The following ENTPD1 variants were observed in gnomAD, a reference collection of about 807,000 sequenced individuals.
The protein encoded by ENTPD1 is ATP diphosphohydrolase.
A neutral mutation model predicts 57.0 loss-of-function variants in ENTPD1; 33 were observed. The ratio of observed to expected loss-of-function variants is 0.58; its 90% CI spans 0.44 to 0.77. The LOEUF is 0.77. Among genes scored for constraint, ENTPD1 ranks in the 30% least tolerant of loss-of-function variants. The probability of loss-of-function intolerance (pLI) is 0.00; values close to 1 mark genes in which losing one functional copy is unlikely to be tolerated. For synonymous variants in ENTPD1, 202 were observed against 218.8 expected (o/e 0.92, Z 0.68); for missense variants, 501 against 603.4 (o/e 0.83, Z 1.78).
Position 95,867,448 on chromosome 10 carries a change from G to A in ENTPD1, c.*1065G>A. On this transcript the variant is annotated 3_prime_UTR_variant, in exon 10 of 10. Transcript: ENST00000371205. ...CTGTACCATAAAGATAGTTCACTGA[G>A]TTTTAAAGCCAAGCCACATCTTATT... 1 of 985,400 alleles carries A rather than the reference G, an allele frequency of 1.0e-6. No individual in the cohort carries two copies. Among genetic ancestry groups the A allele is most frequent in the Non-Finnish European group, 1.2e-6 (1 of 829,914 alleles). 61.0% of individuals were successfully genotyped at this position (985,400 alleles called of 1,614,324 possible).
the ENTPD1 span, among the ~76,000 whole-genome samples, chr10:95,695,381 ATTAACATCTG>A: frequency 6.9e-4 from 105 of 152,328 alleles, 1 homozygote; most frequent in African/African-American, 2.4e-3. Flanking sequence ...TAGTATATAA[ATTAACATCTG>A]TTAAGAGTTA....
In ENTPD1 at chr10:95,873,265, A is replaced by C. The variant is rs957664342; in HGVS notation, c.*6882A>C. 1 of 984,804 alleles carries C rather than the reference A, an allele frequency of 1.0e-6. No homozygotes were observed. Among genetic ancestry groups the C allele is most frequent in the East Asian group, 1.1e-4 (1 of 8,828 alleles). The allele number at this position is 984,804 out of a possible 1,614,324, so 61.0% of individuals were successfully genotyped here. A position where few individuals can be genotyped will look rare whatever the true frequency, so the allele number is the denominator to read the frequency against. ...CCACTACCTGACTACTGTCATTCACAGGCATTCTGTTCCACAGCAGGCCAG... is the reference window on the plus strand; with the variant it reads ...CCACTACCTGACTACTGTCATTCACCGGCATTCTGTTCCACAGCAGGCCAG... On this transcript the variant is annotated 3_prime_UTR_variant, in exon 10 of 10. Transcript: ENST00000371205.
At chr10:95,804,998 A>G (rs2098266118) in intron 1 of ENTPD1, among the ~76,000 whole-genome samples, 2 of 152,098 alleles carry the variant, frequency 1.3e-5, no homozygotes, top group African/African-American at 4.8e-5. Context: ...GTAGATGTCT[A>G]TTAGGTCTGC....
At chr10:95,713,441 A>G (rs2097968107) in intron 1 of ENTPD1, among the ~76,000 whole-genome samples, 1 of 152,258 alleles carries the variant, frequency 6.6e-6, no homozygotes, top group Admixed American at 6.5e-5. Context: ...TCTCTTGACA[A>G]AATTAAAATG....
chr10:95,828,250 T>C (rs2098384606), intron 2 of ENTPD1, among the ~76,000 whole-genome samples: 1 of 152,178 alleles, frequency 6.6e-6, no homozygotes, highest in Non-Finnish European at 1.5e-5. Flanking sequence ...ACTGCACATA[T>C]GTAGGATCGG....
chr10:95,729,792 T>C (rs1193727122), intron 1 of ENTPD1, among the ~76,000 whole-genome samples: 1 of 152,222 alleles, frequency 6.6e-6, no homozygotes, highest in Non-Finnish European at 1.5e-5. Context: ...CTAATGTTCC[T>C]TTTCAAAAAC....
At chr10:95,790,724 A>T (rs986859893) in intron 1 of ENTPD1, among the ~76,000 whole-genome samples, 1 of 152,198 alleles carries the variant, frequency 6.6e-6, no homozygotes, top group Admixed American at 6.5e-5. Flanking sequence ...TATGAAAAAA[A>T]TGTATAGCAG....
intron 2 of ENTPD1, among the ~76,000 whole-genome samples, chr10:95,829,017 A>G (rs2098388050): frequency 6.6e-6 from 1 of 152,130 alleles, no homozygotes; most frequent in South Asian, 2.1e-4. Flanking sequence ...GGCCATGCCC[A>G]TTTTATAGAT....
At chr10:95,713,013 G>A (rs1224834836) in intron 1 of ENTPD1, among the ~76,000 whole-genome samples, 4 of 148,508 alleles carry the variant, frequency 2.7e-5, no homozygotes, top group Non-Finnish European at 5.9e-5. Context: ...CAGACTGGGC[G>A]ACAGAGCGAG....
chr10:95,717,513 C>T (rs898301007), intron 1 of ENTPD1, among the ~76,000 whole-genome samples: 11 of 152,152 alleles, frequency 7.2e-5, no homozygotes, highest in Non-Finnish European at 1.3e-4. Flanking sequence ...TTGACTCTTT[C>T]TTTACCTCCT....
Position 95,758,002 on chromosome 10 carries a change from C to CAAA in ENTPD1, c.16+1773_16+1775dup, listed in dbSNP as rs57407553. Reference sequence around the variant, plus strand: ...CCTGGGCGAGAGTGAGACACTGTCTCAAAAAAAAAAAAAAAAAAAAAAAAA... The same window carrying CAAA: ...CCTGGGCGAGAGTGAGACACTGTCTCAAAAAAAAAAAAAAAAAAAAAAAAAAAA... On this transcript the variant is annotated intron_variant, in intron 1 of 9. Coordinates refer to ENST00000371205, the MANE Select transcript of ENTPD1 (RefSeq NM_001776.6). Among the ~76,000 whole-genome samples the CAAA allele has an allele frequency of 3.4e-3, 90 of 26,394 alleles. 4 individuals are homozygous for CAAA. Among genetic ancestry groups the CAAA allele is most frequent in the African/African-American group, 5.3e-3 (55 of 10,432 alleles). The allele number at this position is 26,394 out of a possible 152,430, so 17.3% of individuals were successfully genotyped here. A position where few individuals can be genotyped will look rare whatever the true frequency, so the allele number is the denominator to read the frequency against.
intron 1 of ENTPD1, among the ~76,000 whole-genome samples, chr10:95,742,378 T>G (rs574185587): frequency 6.6e-5 from 10 of 152,126 alleles, no homozygotes; most frequent in Non-Finnish European, 1.0e-4. Flanking sequence ...TTGTTATTTT[T>G]TTTTTCAAGT....
intron 1 of ENTPD1, among the ~76,000 whole-genome samples, chr10:95,750,153 A>G (rs2098010204): frequency 6.6e-6 from 1 of 152,232 alleles, no homozygotes; most frequent in Admixed American, 6.5e-5. Context: ...TAATGAAATT[A>G]TAAAACATGA....
chr10:95,831,189 A>T (rs1234868786), intron 2 of ENTPD1, among the ~76,000 whole-genome samples: 1 of 152,208 alleles, frequency 6.6e-6, no homozygotes, highest in African/African-American at 2.4e-5. Context: ...CTGTTTAAAG[A>T]GGGTGGTGGC....
intron 8 of ENTPD1, chr10:95,861,431 A>G (rs553111524): frequency 6.6e-6 from 1 of 152,384 alleles, no homozygotes; most frequent in South Asian, 2.1e-4. Context: ...GACAGTTGCA[A>G]AAGTGAATGG....
intron 1 of ENTPD1, among the ~76,000 whole-genome samples, chr10:95,716,110 C>T (rs1456252261): frequency 6.6e-6 from 1 of 152,204 alleles, no homozygotes; most frequent in East Asian, 1.9e-4. Context: ...TAGCAATCCT[C>T]CTGCCTTGGC....
rs769638923 is a variant in ENTPD1 at position 95,870,143 on chromosome 10, C to T, written c.*3760C>T. 31 of 985,394 alleles carry T rather than the reference C, an allele frequency of 3.1e-5. No homozygotes were observed. Among genetic ancestry groups the T allele is most frequent in the Non-Finnish European group, 3.7e-5 (31 of 829,916 alleles). 61.0% of individuals were successfully genotyped at this position (985,394 alleles called of 1,614,324 possible). A position where few individuals can be genotyped will look rare whatever the true frequency, so the allele number is the denominator to read the frequency against. ...TGTATTCCTCAGGTTTTGTTGCCTT[C>T]CCATGAAGATGTGAAGGCAGGGATG... On this transcript the variant is annotated 3_prime_UTR_variant, in exon 10 of 10. Transcript: ENST00000371205.
upstream of ENTPD1, among the ~76,000 whole-genome samples, chr10:95,709,861 G>GT (rs1448978737): frequency 6.6e-6 from 1 of 151,672 alleles, no homozygotes; most frequent in East Asian, 2.0e-4. Context: ...CACCTCCTGG[G>GT]TTCAAGCAAT....
intron 7 of ENTPD1, among the ~76,000 whole-genome samples, chr10:95,850,328 T>C (rs1162712185): frequency 6.6e-6 from 1 of 152,234 alleles, no homozygotes. Flanking sequence ...TTCATTCTGC[T>C]TCAGATTTTT....
Sources: gnomAD v4.1 joint callset for allele counts (sites outside exome capture counted in the v4.1 genomes callset) on GRCh38, gnomAD v4.1.1 for gene constraint, MANE v1.5 for transcripts, NCBI Gene and HGNC (gene_info 2026-07-23, HGNC 2026-07-21) for gene names.